The following MEIKIN variants were observed in gnomAD, a reference collection of about 807,000 sequenced individuals.
MEIKIN encodes meiosis-specific kinetochore protein.
At chr5:131,885,200 T>G (rs1750759124) in intron 8 of MEIKIN, among the ~76,000 whole-genome samples, 1 of 151,904 alleles carries the variant, frequency 6.6e-6, no homozygotes, top group Non-Finnish European at 1.5e-5. Context: ...AATAGCCAGG[T>G]ATTAGTTACA....
intron 10 of MEIKIN, among the ~76,000 whole-genome samples, chr5:131,851,733 G>C (rs1444059076): frequency 6.6e-6 from 1 of 152,042 alleles, no homozygotes; most frequent in Non-Finnish European, 1.5e-5. Flanking sequence ...TTTTCTATCA[G>C]GTTACTGAAA....
intron 9 of MEIKIN, among the ~76,000 whole-genome samples, chr5:131,873,612 T>C (rs972822988): frequency 6.6e-6 from 1 of 152,136 alleles, no homozygotes. Context: ...TTAACAAGGA[T>C]ACCGAGGAAT....
intron 9 of MEIKIN, among the ~76,000 whole-genome samples, chr5:131,868,432 T>A (rs1750428026): frequency 6.6e-6 from 1 of 152,226 alleles, no homozygotes; most frequent in Non-Finnish European, 1.5e-5. Context: ...TGACATATGA[T>A]GTTGAACAAC....
At chr5:131,842,100 G>A (rs1031896192) in intron 11 of MEIKIN, among the ~76,000 whole-genome samples, 1 of 151,868 alleles carries the variant, frequency 6.6e-6, no homozygotes, top group African/African-American at 2.4e-5. Context: ...CACAGGTTCA[G>A]GGACTACAGG....
chr5:131,918,750 G>C lies in MEIKIN; in HGVS notation c.599-1825C>G, dbSNP rs1751456271. Among the ~76,000 whole-genome samples the C allele has an allele frequency of 1.3e-5, 2 of 152,142 alleles. 1 individual carries two copies. Among genetic ancestry groups the C allele is most frequent in the South Asian group, 4.1e-4 (2 of 4,834 alleles). On this transcript the variant is annotated intron_variant, in intron 6 of 12. Transcript: ENST00000442687. Reference sequence around the variant, plus strand: ...AGTAGAAGTCAGCTGGGAATTTCTGGGAAAGCTTTTCTTCTTCCAATAAAA... The same window carrying C: ...AGTAGAAGTCAGCTGGGAATTTCTGCGAAAGCTTTTCTTCTTCCAATAAAA...
chr5:131,864,838 A>G (rs533203649), intron 9 of MEIKIN, among the ~76,000 whole-genome samples: 4 of 152,314 alleles, frequency 2.6e-5, no homozygotes, highest in African/African-American at 9.6e-5. Context: ...CTTTGCCTTC[A>G]GGGATATCAA....
intron 9 of MEIKIN, among the ~76,000 whole-genome samples, chr5:131,871,812 C>T (rs542998337): frequency 5.9e-5 from 9 of 152,254 alleles, no homozygotes; most frequent in African/African-American, 2.2e-4. Flanking sequence ...TCCAGAGGAA[C>T]GATCAGGCAG....
intron 8 of MEIKIN, among the ~76,000 whole-genome samples, chr5:131,902,203 C>T (rs1395471337): frequency 6.6e-6 from 1 of 152,102 alleles, no homozygotes; most frequent in Non-Finnish European, 1.5e-5. Flanking sequence ...GAGGCCAAGG[C>T]GAGTGGATCA....
intron 11 of MEIKIN, among the ~76,000 whole-genome samples, chr5:131,830,426 A>C (rs1348061458): frequency 6.6e-6 from 1 of 152,246 alleles, no homozygotes; most frequent in African/African-American, 2.4e-5. Flanking sequence ...ACAGAAAACA[A>C]AACAAACAAA....
In MEIKIN at chr5:131,943,321, G is replaced by A. The variant is rs530213687; in HGVS notation, c.289-626C>T. On this transcript the variant is annotated intron_variant, in intron 3 of 12. Coordinates refer to ENST00000442687, the MANE Select transcript of MEIKIN (RefSeq NM_001303622.2). Reference sequence around the variant, plus strand: ...ACATATATATAAAAGTTTCAGGTAAGATGGTGCTGATTTATCAACATGAAT... The same window carrying A: ...ACATATATATAAAAGTTTCAGGTAAAATGGTGCTGATTTATCAACATGAAT... Among the ~76,000 whole-genome samples the A allele has an allele frequency of 2.0e-5, 3 of 152,228 alleles. No homozygotes were observed. The South Asian group carries it at 6.2e-4, about 32-fold the overall frequency.
chr5:131,828,904 C>T (rs1385238123), intron 11 of MEIKIN, among the ~76,000 whole-genome samples: 1 of 152,140 alleles, frequency 6.6e-6, no homozygotes, highest in Admixed American at 6.5e-5. Flanking sequence ...TTTAAAACTA[C>T]ATAAACCCAA....
intron 11 of MEIKIN, among the ~76,000 whole-genome samples, chr5:131,835,918 G>A (rs1481470770): frequency 3.3e-5 from 5 of 152,076 alleles, no homozygotes; most frequent in African/African-American, 1.2e-4. Flanking sequence ...TAACTTTTAA[G>A]TTCAGGAGTA....
chr5:131,914,026 A>C (rs897524324), intron 7 of MEIKIN, among the ~76,000 whole-genome samples: 2 of 152,146 alleles, frequency 1.3e-5, no homozygotes, highest in African/African-American at 4.8e-5. Flanking sequence ...TTAATGGAGT[A>C]ATGGATTAAT....
chr5:131,881,287 A>G (rs1750699875), intron 8 of MEIKIN, among the ~76,000 whole-genome samples: 2 of 152,312 alleles, frequency 1.3e-5, no homozygotes, highest in South Asian at 2.1e-4. Flanking sequence ...CATAATCTTG[A>G]TAACTTTTGT....
At position 131,875,882 on chromosome 5, in the gene MEIKIN, C is replaced by T. The variant is rs1225765406; in HGVS notation, c.774+3096G>A. 5.3e-5 allele frequency among the ~76,000 whole-genome samples: 8 copies of T among 152,240 alleles called. No individual in the cohort carries two copies. In the East Asian group the frequency reaches 1.5e-3, roughly 29 times the overall value. ...TGATGTTTGACAAACCTGACAAAAACAAGCAATGGGGAAAGGATTCGCTAT... is the reference window on the plus strand; with the variant it reads ...TGATGTTTGACAAACCTGACAAAAATAAGCAATGGGGAAAGGATTCGCTAT... On this transcript the variant is annotated intron_variant, in intron 9 of 12. Transcript: ENST00000442687.
intron 8 of MEIKIN, among the ~76,000 whole-genome samples, chr5:131,892,874 G>A (rs1437974599): frequency 6.6e-6 from 1 of 152,170 alleles, no homozygotes; most frequent in African/African-American, 2.4e-5. Flanking sequence ...TGATGATGGT[G>A]ACGTACAGAT....
chr5:131,934,843 G>A (rs1388974906), intron 4 of MEIKIN, among the ~76,000 whole-genome samples: 1 of 151,488 alleles, frequency 6.6e-6, no homozygotes, highest in African/African-American at 2.4e-5. Flanking sequence ...AGATCACGAG[G>A]TCAAGAGATA....
chr5:131,879,125 C>A, intron 8 of MEIKIN, 77 bp from the exon 9 acceptor site: 1 of 395,810 alleles, frequency 2.5e-6, no homozygotes, highest in South Asian at 1.3e-4. Flanking sequence ...CAAGAGAATT[C>A]AAATTTGACA....
At chr5:131,828,383 G>C (rs1038455372) in intron 11 of MEIKIN, among the ~76,000 whole-genome samples, 1 of 152,040 alleles carries the variant, frequency 6.6e-6, no homozygotes, top group South Asian at 2.1e-4. Flanking sequence ...GGCTGGTCTT[G>C]AACTCCTGAG....
Sources: allele counts gnomAD v4.1 joint callset (sites outside exome capture counted in the v4.1 genomes callset), GRCh38; gene constraint gnomAD v4.1.1; transcripts MANE v1.5; gene names NCBI Gene and HGNC (gene_info 2026-07-23, HGNC 2026-07-21).